Variants in ADCY9 observed in about 807,000 individuals in gnomAD.
ADCY9 encodes adenylate cyclase 9, also known as adenylate cyclase type 9.
A neutral mutation model predicts 101.5 loss-of-function variants in ADCY9; 50 were observed. The ratio of observed to expected loss-of-function variants is 0.49; its 90% CI spans 0.39 to 0.62. The LOEUF is 0.62. Among genes scored for constraint, ADCY9 ranks in the 20% least tolerant of loss-of-function variants. The pLI is 0.00. For missense variants in ADCY9, 1,662 were observed against 1,800.4 expected (o/e 0.92, Z 1.39); for synonymous variants, 905 against 769.3 (o/e 1.18, Z -2.92).
At chr16:3,991,304 T>C (rs1428188535) in intron 5 of ADCY9, among the ~76,000 whole-genome samples, 1 of 152,128 alleles carries the variant, frequency 6.6e-6, no homozygotes, top group Non-Finnish European at 1.5e-5. Flanking sequence ...AAAATTAGTA[T>C]CACTAATGAG....
chr16:4,077,662 T>C (rs1295072399), intron 2 of ADCY9, among the ~76,000 whole-genome samples: 2 of 152,136 alleles, frequency 1.3e-5, no homozygotes, highest in East Asian at 1.9e-4. Flanking sequence ...TTTAAATTTA[T>C]ATGATTTTCT....
chr16:4,084,113 GTTTTGT>G (rs2056922396), intron 2 of ADCY9, among the ~76,000 whole-genome samples: 1 of 151,120 alleles, frequency 6.6e-6, no homozygotes, highest in Non-Finnish European at 1.5e-5. Context: ...TGTTTGTTTT[GTTTTGT>G]TTTTGTTTTT....
At chr16:4,099,549 G>T (rs376273559) in intron 2 of ADCY9, among the ~76,000 whole-genome samples, 91 of 152,222 alleles carry the variant, frequency 6.0e-4, no homozygotes, top group African/African-American at 2.0e-3. Context: ...CTTTAAAAAG[G>T]TTACTAAAAG....
intron 2 of ADCY9, among the ~76,000 whole-genome samples, chr16:4,046,668 C>G (rs1162831397): frequency 6.6e-6 from 1 of 152,034 alleles, no homozygotes. Flanking sequence ...AAATAAGACT[C>G]AATAATCTAA....
intron 2 of ADCY9, among the ~76,000 whole-genome samples, chr16:4,097,553 A>T (rs2532005): frequency 0.33 from 17,704 of 53,170 alleles, 3,617 homozygotes; most frequent in East Asian, 0.45. Context: ...ATATATATAT[A>T]TTTTTTTTTT....
chr16:3,978,318 C>T (rs979109991), intron 8 of ADCY9, among the ~76,000 whole-genome samples: 3 of 150,606 alleles, frequency 2.0e-5, no homozygotes, highest in Non-Finnish European at 4.4e-5. Flanking sequence ...GCTAAAGTGT[C>T]AAACACCATC....
chr16:3,976,458 C>T (rs374175093), intron 9 of ADCY9, among the ~76,000 whole-genome samples: 156 of 152,212 alleles, frequency 1.0e-3, no homozygotes, highest in African/African-American at 3.5e-3. Flanking sequence ...CTGGGCTTGT[C>T]CCCAGAGGTC....
intron 2 of ADCY9, among the ~76,000 whole-genome samples, chr16:4,104,940 G>A (rs913356372): frequency 2.6e-5 from 4 of 151,608 alleles, no homozygotes; most frequent in African/African-American, 4.9e-5. Flanking sequence ...GTGGTGGTGC[G>A]TGCCTGTAAT....
Position 3,989,106 on chromosome 16 carries a change from A to G in ADCY9, c.2208-10T>C. The G allele has an allele frequency of 6.3e-7, 1 of 1,594,358 alleles. No individual in the cohort carries two copies. The highest frequency in any genetic ancestry group is 8.6e-7 in the Non-Finnish European group (1 of 1,162,136). ...GTAATCTTTCATCAGGCTAGAAGAC[A>G]CAACAAATGCAGTCGATCAATACCC... On this transcript the variant is annotated splice_polypyrimidine_tract_variant and intron_variant, in intron 5 of 10. Coordinates refer to ENST00000294016, the MANE Select transcript of ADCY9 (RefSeq NM_001116.4).
chr16:3,999,403 C>T (rs990323605), intron 3 of ADCY9, among the ~76,000 whole-genome samples: 6 of 152,298 alleles, frequency 3.9e-5, no homozygotes, highest in African/African-American at 1.2e-4. Context: ...ATGATCATTC[C>T]GCAGACGGCC....
chr16:4,059,614 G>A (rs952820301), intron 2 of ADCY9, among the ~76,000 whole-genome samples: 3 of 151,930 alleles, frequency 2.0e-5, no homozygotes, highest in Non-Finnish European at 4.4e-5. Flanking sequence ...GAAAAACTAC[G>A]CAGCTGGGCA....
intron 2 of ADCY9, among the ~76,000 whole-genome samples, chr16:4,076,034 A>C (rs1262502720): frequency 2.0e-5 from 3 of 152,182 alleles, no homozygotes; most frequent in Non-Finnish European, 4.4e-5. Flanking sequence ...TGACAGAGCA[A>C]ATGCAAAATA....
chr16:4,055,022 C>G lies in ADCY9; in HGVS notation c.1694-47464G>C, dbSNP rs1207284325. Among the ~76,000 whole-genome samples, 3 of 152,124 alleles carry G rather than the reference C, an allele frequency of 2.0e-5. No individual in the cohort carries two copies. In the East Asian group the frequency reaches 5.8e-4, roughly 29 times the overall value. On this transcript the variant is annotated intron_variant, in intron 2 of 10. Coordinates refer to ENST00000294016, the MANE Select transcript of ADCY9 (RefSeq NM_001116.4). ...TGTAAATGAAATTCAACAACACACT[C>G]ACACCTCAAAAACTCTGGAAGGTCA...
rs944418198 is a variant in ADCY9, at chr16:4,116,213, C to T, written c.-567G>A. 3 of 146,156 alleles carry T rather than the reference C, an allele frequency of 2.1e-5. No individual in the cohort carries two copies. Among genetic ancestry groups the T allele is most frequent in the African/African-American group, 7.4e-5 (3 of 40,774 alleles). The allele number at this position is 146,156 out of a possible 1,614,324, so 9.1% of individuals were successfully genotyped here. A position where few individuals can be genotyped will look rare whatever the true frequency, so the allele number is the denominator to read the frequency against. On this transcript the variant is annotated 5_prime_UTR_variant, in exon 1 of 11. Coordinates refer to ENST00000294016, the MANE Select transcript of ADCY9 (RefSeq NM_001116.4). The stretch of plus-strand genomic sequence containing the variant: ...CTGTCCCGGGACCGAGCGCGTGGAA[C>T]CACGGACGCGGGCCCCTCGCCGGGC...
chr16:3,969,609 T>TATATATATATATAC (rs1321798408), intron 10 of ADCY9, among the ~76,000 whole-genome samples: 7 of 94,928 alleles, frequency 7.4e-5, no homozygotes, highest in East Asian at 3.8e-4. Flanking sequence ...TATATATATA[T>TATATATATATATAC]GTATTTTTTT....
At chr16:4,045,594 TAAAAAAAAAAAAAAA>T (rs545715002) in intron 2 of ADCY9, among the ~76,000 whole-genome samples, 1 of 64,964 alleles carries the variant, frequency 1.5e-5, no homozygotes, top group Non-Finnish European at 2.8e-5. Context: ...GACTCTGCCT[TAAAAAAAAAAAAAAA>T]AAAAAAAAAA....
intron 5 of ADCY9, among the ~76,000 whole-genome samples, chr16:3,955,213 T>C (rs541378732): frequency 7.9e-5 from 12 of 151,734 alleles, no homozygotes; most frequent in East Asian, 5.8e-4. Context: ...TTGCCTCAAA[T>C]GTCTCTCATT....
At chr16:4,078,969 C>A (rs1278351918) in intron 2 of ADCY9, among the ~76,000 whole-genome samples, 1 of 152,180 alleles carries the variant, frequency 6.6e-6, no homozygotes, top group Non-Finnish European at 1.5e-5. Flanking sequence ...TAAGGATATT[C>A]ATCACACTGT....
intron 9 of ADCY9, among the ~76,000 whole-genome samples, chr16:3,977,202 T>C (rs964636216): frequency 3.1e-4 from 47 of 152,344 alleles, no homozygotes; most frequent in African/African-American, 1.1e-3. Context: ...AGAAGTCACC[T>C]CGGTATAATG....
Sources: gnomAD v4.1 joint callset for allele counts (sites outside exome capture counted in the v4.1 genomes callset) on GRCh38, gnomAD v4.1.1 for gene constraint, MANE v1.5 for transcripts, NCBI Gene and HGNC (gene_info 2026-07-23, HGNC 2026-07-21) for gene names.